CUL1: variants seen among roughly 807,000 people sequenced by gnomAD.
The protein encoded by CUL1 is cullin 1, also known as cullin-1.
In CUL1, 24 loss-of-function variants were observed where a neutral mutation model predicts 118.0. The observed-to-expected ratio is 0.20, with a 90% CI of 0.15 to 0.29. The LOEUF is 0.29. Ranked by LOEUF, CUL1 falls within the 10% of genes least tolerant of loss-of-function variation. CUL1 has a pLI of 1.00. For missense variants in CUL1, 361 were observed against 933.8 expected (o/e 0.39, Z 7.99); for synonymous variants, 332 against 340.4 (o/e 0.98, Z 0.27).
intron 1 of CUL1, among the ~76,000 whole-genome samples, chr7:148,721,886 A>G (rs1023045834): frequency 1.2e-4 from 18 of 152,278 alleles, no homozygotes; most frequent in African/African-American, 3.1e-4. Context: ...GTGTTTTGCT[A>G]TTATAAACAG....
At chr7:148,766,814 T>C (rs1357114350) in intron 8 of CUL1, 91 bp downstream of exon 8, 1 of 1,086,554 alleles carries the variant, frequency 9.2e-7, no homozygotes, top group Non-Finnish European at 1.3e-6. Context: ...TCAACGGCAT[T>C]ACTTGCCCAT....
intron 19 of CUL1, 106 bp downstream of exon 19, chr7:148,798,125 A>G (rs1801269827): frequency 1.5e-6 from 1 of 649,740 alleles, no homozygotes; most frequent in Non-Finnish European, 2.6e-6. Flanking sequence ...CCGGGGACTC[A>G]GTGTGAAGCG....
chr7:148,797,886 C>G (rs1404999986), intron 18 of CUL1, 27 bp downstream of exon 18: 2 of 1,610,710 alleles, frequency 1.2e-6, no homozygotes, highest in Admixed American at 1.7e-5. Context: ...TTATCTTACA[C>G]TAGAAGAAGC....
intron 2 of CUL1, among the ~76,000 whole-genome samples, chr7:148,731,963 T>G (rs1291765448): frequency 1.3e-5 from 2 of 152,220 alleles, no homozygotes; most frequent in Non-Finnish European, 2.9e-5. Context: ...CTGTTACTAA[T>G]ACCACTGTAA....
chr7:148,753,804 T>G (rs981500507), intron 2 of CUL1, among the ~76,000 whole-genome samples, 172 bp from the exon 3 acceptor site: 1 of 152,234 alleles, frequency 6.6e-6, no homozygotes, highest in African/African-American at 2.4e-5. Flanking sequence ...TGGGGCTTGT[T>G]GACTTTTAGC....
At chr7:148,783,924 A>G (rs1800737433) in intron 10 of CUL1, 34 bp downstream of exon 10, 1 of 1,613,238 alleles carries the variant, frequency 6.2e-7, no homozygotes, top group Non-Finnish European at 8.5e-7. Flanking sequence ...TGCCTGTAGT[A>G]TGTATGGATG....
chr7:148,798,684 T>C lies in CUL1; in HGVS notation c.2136+7T>C. The C allele has an allele frequency of 6.2e-7, 1 of 1,607,882 alleles. No individual in the cohort carries two copies. Among genetic ancestry groups the C allele is most frequent in the East Asian group, 2.2e-5 (1 of 44,848 alleles). ...CCGCAAACTACTGATTCAGGTGACTTATCTGTATGCCTGTGCCAGGTGTGC... is the reference window on the plus strand; with the variant it reads ...CCGCAAACTACTGATTCAGGTGACTCATCTGTATGCCTGTGCCAGGTGTGC... On this transcript the variant is annotated splice_region_variant and intron_variant, in intron 20 of 21. Transcript: ENST00000325222.
chr7:148,797,870 G>T lies in CUL1; in HGVS notation c.1947+11G>T. 1 of 1,612,780 alleles carries T rather than the reference G, an allele frequency of 6.2e-7. No individual in the cohort carries two copies. The highest frequency in any genetic ancestry group is 8.5e-7 in the Non-Finnish European group (1 of 1,179,100). Reference sequence around the variant, plus strand: ...AAGTCGAAGCTATTGGTAGGTTTGCGCCCTTTTATCTTACACTAGAAGAAG... The same window carrying T: ...AAGTCGAAGCTATTGGTAGGTTTGCTCCCTTTTATCTTACACTAGAAGAAG... On this transcript the variant is annotated intron_variant, in intron 18 of 21. Transcript: ENST00000325222.
chr7:148,719,824 T>C (rs1361430814), intron 1 of CUL1, among the ~76,000 whole-genome samples: 1 of 152,212 alleles, frequency 6.6e-6, no homozygotes, highest in Non-Finnish European at 1.5e-5. Context: ...CTTTCACCTG[T>C]CTTTTTGCAT....
intron 1 of CUL1, 88 bp downstream of exon 1, chr7:148,699,117 C>G (rs1159339768): frequency 6.5e-6 from 1 of 152,908 alleles, no homozygotes; most frequent in East Asian, 1.9e-4. Context: ...GTCGCAGTGA[C>G]TCGGGCCGCG....
chr7:148,731,551 A>T (rs1038843844), intron 2 of CUL1, among the ~76,000 whole-genome samples: 12 of 152,224 alleles, frequency 7.9e-5, no homozygotes, highest in African/African-American at 2.9e-4. Context: ...GTACCATAAA[A>T]TTCAACCTTT....
At chr7:148,734,461 C>G (rs1798873675) in intron 2 of CUL1, among the ~76,000 whole-genome samples, 1 of 152,218 alleles carries the variant, frequency 6.6e-6, no homozygotes. Flanking sequence ...CCAGGCTGGT[C>G]TCAAACTCCT....
intron 2 of CUL1, among the ~76,000 whole-genome samples, chr7:148,738,575 G>A (rs1161435361): frequency 6.6e-6 from 1 of 152,122 alleles, no homozygotes; most frequent in South Asian, 2.1e-4. Context: ...CTGCTTTCTG[G>A]CCAAAGAAGC....
At chr7:148,721,141 A>G (rs987455210) in intron 1 of CUL1, among the ~76,000 whole-genome samples, 2 of 152,202 alleles carry the variant, frequency 1.3e-5, no homozygotes, top group African/African-American at 4.8e-5. Flanking sequence ...TTAACGTGCT[A>G]AATTGTTTTC....
chr7:148,698,295 G>A (rs560089334), upstream of CUL1: 1 of 152,594 alleles, frequency 6.6e-6, no homozygotes, highest in South Asian at 2.1e-4. Flanking sequence ...TGGGGGTGGG[G>A]GTGCGCACAA....
chr7:148,785,450 C>G (rs1158811862), intron 11 of CUL1, among the ~76,000 whole-genome samples: 1 of 151,952 alleles, frequency 6.6e-6, no homozygotes, highest in East Asian at 1.9e-4. Context: ...CCTCTGCCTC[C>G]TGAGTTTAAG....
At chr7:148,707,282 G>C (rs915233823) in intron 1 of CUL1, among the ~76,000 whole-genome samples, 8 of 152,122 alleles carry the variant, frequency 5.3e-5, no homozygotes, top group Non-Finnish European at 1.2e-4. Flanking sequence ...CACAGTGTGG[G>C]AAGTGCCATA....
At chr7:148,773,197 A>T (rs78702391) in intron 9 of CUL1, among the ~76,000 whole-genome samples, 1 of 152,128 alleles carries the variant, frequency 6.6e-6, no homozygotes, top group Admixed American at 6.5e-5. Context: ...TGATAATATA[A>T]ATCATAATAT....
intron 1 of CUL1, among the ~76,000 whole-genome samples, chr7:148,717,477 G>C (rs111664930): frequency 9.3e-4 from 142 of 151,914 alleles, no homozygotes; most frequent in African/African-American, 3.3e-3. Flanking sequence ...ACCCCATCCG[G>C]TCTGACCAGT....
Sources: gnomAD v4.1 joint callset for allele counts (sites outside exome capture counted in the v4.1 genomes callset) on GRCh38, gnomAD v4.1.1 for gene constraint, MANE v1.5 for transcripts, NCBI Gene and HGNC (gene_info 2026-07-23, HGNC 2026-07-21) for gene names.